Variants in ALS2 observed in about 807,000 individuals in gnomAD.
ALS2 encodes the protein alsin Rho guanine nucleotide exchange factor ALS2, also known as alsin.
In ALS2, 117 loss-of-function variants were observed where a neutral mutation model predicts 203.4. The ratio of observed to expected loss-of-function variants is 0.58; its 90% CI spans 0.50 to 0.67. ALS2 has a LOEUF of 0.67. ALS2 is among the 30% of genes least tolerant of loss of function. ALS2 has a pLI of 0.00. For missense variants in ALS2, 1,715 were observed against 1,989.4 expected, an observed-to-expected ratio of 0.86 and a Z score of 2.62; for synonymous variants, 718 against 725.9, an observed-to-expected ratio of 0.99 and a Z score of 0.17.
At position 201,705,404 on chromosome 2, in the gene ALS2, A is replaced by G; in HGVS notation, c.4626+12T>C. 1 of 1,613,340 alleles carries G rather than the reference A, an allele frequency of 6.2e-7. No homozygotes were observed. The highest frequency in any genetic ancestry group is 2.2e-5 in the East Asian group (1 of 44,856). On this transcript the variant is annotated intron_variant, in intron 30 of 33. Transcript: ENST00000264276. ...AAAGCATATTTGCTGAGGAAAAGAA[A>G]ATCTACTATACCTTTTTACTCTCTC...
intron 12 of ALS2, among the ~76,000 whole-genome samples, chr2:201,736,144 A>G (rs1691861562): frequency 1.3e-5 from 2 of 152,150 alleles, no homozygotes; most frequent in South Asian, 4.1e-4. Flanking sequence ...TGTAAACAAC[A>G]ACAACAACAA....
intron 5 of ALS2, among the ~76,000 whole-genome samples, chr2:201,756,495 C>A (rs1693401421): frequency 6.7e-6 from 1 of 150,200 alleles, no homozygotes; most frequent in African/African-American, 2.5e-5. Flanking sequence ...GAGCTTTGCA[C>A]AAAATCATGT....
intron 25 of ALS2, among the ~76,000 whole-genome samples, chr2:201,715,284 G>A (rs1690298159): frequency 6.6e-6 from 1 of 152,172 alleles, no homozygotes; most frequent in Non-Finnish European, 1.5e-5. Flanking sequence ...CAGAACCAGA[G>A]GGATTTTTTC....
Position 201,727,673 on chromosome 2 carries a change from C to CGGGGT in ALS2, c.2912+27_2912+31dup, listed in dbSNP as rs776325615. The CGGGGT allele has an allele frequency of 4.6e-6, 4 of 866,730 alleles. No homozygotes were observed. The South Asian group carries it at 5.7e-5, about 12-fold the overall frequency. 53.7% of individuals were successfully genotyped at this position (866,730 alleles called of 1,614,324 possible). A position where few individuals can be genotyped will look rare whatever the true frequency, so the allele number is the denominator to read the frequency against. The stretch of plus-strand genomic sequence containing the variant: ...AAGCAACCTGGGTAACAGACTTGGA[C>CGGGGT]GGGGTGGGGTGGGGAGGGGGGACGC... On this transcript the variant is annotated intron_variant, in intron 16 of 33. Transcript: ENST00000264276.
intron 14 of ALS2, 140 bp downstream of exon 14, chr2:201,728,912 T>C: frequency 1.5e-6 from 2 of 1,331,822 alleles, no homozygotes; most frequent in South Asian, 1.2e-5. Flanking sequence ...TACCCATTAG[T>C]ATGGTCCTTA....
At chr2:201,746,545 T>C (rs1249395395) in intron 9 of ALS2, 21 bp downstream of exon 9, 1 of 1,613,742 alleles carries the variant, frequency 6.2e-7, no homozygotes, top group South Asian at 1.1e-5. Flanking sequence ...ATGTGGGCCT[T>C]AGGATCCAAT....
chr2:201,704,160 G>A lies in ALS2; in HGVS notation c.4897C>T (p.Gln1633Ter), dbSNP rs797044934. 1 of 1,614,004 alleles carries A rather than the reference G, an allele frequency of 6.2e-7. No homozygotes were observed. Among genetic ancestry groups the A allele is most frequent in the Non-Finnish European group, 8.5e-7 (1 of 1,179,896 alleles). The change falls in exon 33 of 34, where the codon CAG becomes TAG. Residue 1633 changes from glutamine to a stop codon, truncating the protein, a stop_gained. Coordinates refer to ENST00000264276, the MANE Select transcript of ALS2 (RefSeq NM_020919.4). LOFTEE classifies it high-confidence loss of function. ...AACATTATACCCTGTTCCCCATGCT[G>A]AAGATAGGGGTCCATTAGATCCTCA... ...LIEDLMDPYL[Q>*]HGEQGIMFTT...
intron 23 of ALS2, among the ~76,000 whole-genome samples, chr2:201,720,539 CAAAAAAAA>C (rs34418114): frequency 6.8e-4 from 45 of 66,498 alleles, no homozygotes; most frequent in Admixed American, 5.3e-3. Flanking sequence ...TCTGTCTCTA[CAAAAAAAA>C]AAAAAAAAAA....
intron 33 of ALS2, 24 bp from the exon 34 acceptor site, chr2:201,701,913 T>G (rs371461170): frequency 2.0e-5 from 33 of 1,611,796 alleles, no homozygotes; most frequent in Middle Eastern, 1.7e-4. Flanking sequence ...TCAAAATAAT[T>G]TCAAATTCAC....
At chr2:201,707,639 A>G (rs1033989589) in intron 28 of ALS2, among the ~76,000 whole-genome samples, 1 of 151,968 alleles carries the variant, frequency 6.6e-6, no homozygotes, top group African/African-American at 2.4e-5. Context: ...TATCTTGCCC[A>G]GGCTGCTCTT....
chr2:201,774,384 T>C (rs946305168), intron 1 of ALS2, among the ~76,000 whole-genome samples: 1 of 152,130 alleles, frequency 6.6e-6, no homozygotes, highest in South Asian at 2.1e-4. Context: ...CATTTTGTGG[T>C]GGGAGGATAA....
At chr2:201,742,105 C>G (rs999652855) in intron 10 of ALS2, among the ~76,000 whole-genome samples, 2 of 152,090 alleles carry the variant, frequency 1.3e-5, no homozygotes, top group Non-Finnish European at 2.9e-5. Context: ...TTAAAAAAGA[C>G]TCTCCAGGTG....
chr2:201,710,446 G>C (rs1183523672), intron 26 of ALS2, among the ~76,000 whole-genome samples: 2 of 134,680 alleles, frequency 1.5e-5, no homozygotes, highest in African/African-American at 5.4e-5. Flanking sequence ...AAAAAAAAAA[G>C]AATACAAAAT....
At position 201,723,311 on chromosome 2, in the gene ALS2, A is replaced by G; in HGVS notation, c.3624+19T>C. On this transcript the variant is annotated intron_variant, in intron 22 of 33. Transcript: ENST00000264276. ...GCTTTAAAAAGTTAGTAATAACTAC[A>G]TGCAAATATTCCACTCACCATCATT... 1 of 1,571,826 alleles carries G rather than the reference A, an allele frequency of 6.4e-7. No homozygotes were observed.
chr2:201,740,031 A>G (rs12151777), intron 11 of ALS2, among the ~76,000 whole-genome samples: 83,075 of 151,984 alleles, frequency 0.55, 25,307 homozygotes, highest in Admixed American at 0.7. Context: ...TATCACAATT[A>G]AAAATAATTT....
At chr2:201,737,086 T>C (rs1195768119) in intron 12 of ALS2, among the ~76,000 whole-genome samples, 3 of 152,180 alleles carry the variant, frequency 2.0e-5, no homozygotes, top group Non-Finnish European at 2.9e-5. Context: ...AATCTGCAGA[T>C]TCAACAACCT....
chr2:201,744,568 T>C (rs1285434315), intron 9 of ALS2, 139 bp from the exon 10 acceptor site: 7 of 910,696 alleles, frequency 7.7e-6, no homozygotes, highest in Admixed American at 4.4e-5. Context: ...AATTAAACCA[T>C]TGGCAGCTTG....
At chr2:201,768,262 C>T (rs373251460) in intron 2 of ALS2, among the ~76,000 whole-genome samples, 103 of 152,250 alleles carry the variant, frequency 6.8e-4, no homozygotes, top group East Asian at 2.5e-3. Context: ...CTGATGATTT[C>T]GGTTTAAAGA....
At chr2:201,706,747 C>T (rs1311360745) in intron 29 of ALS2, 99 bp downstream of exon 29, 3 of 1,215,704 alleles carry the variant, frequency 2.5e-6, no homozygotes, top group Non-Finnish European at 3.6e-6. Context: ...TAATTACAAG[C>T]CATATATATA....
Sources: gnomAD v4.1 joint callset for allele counts (sites outside exome capture counted in the v4.1 genomes callset) on GRCh38, gnomAD v4.1.1 for gene constraint, MANE v1.5 for transcripts, NCBI Gene and HGNC (gene_info 2026-07-23, HGNC 2026-07-21) for gene names.